Variants in PCDH17 observed in about 807,000 individuals in gnomAD.
PCDH17 encodes the protein protocadherin-17.
In PCDH17, 21 loss-of-function variants were observed where a neutral mutation model predicts 67.7. The ratio of observed to expected loss-of-function variants is 0.31; its 90% CI spans 0.22 to 0.45. PCDH17 has a LOEUF of 0.45. PCDH17 is among the 20% of genes least tolerant of loss of function. PCDH17 has a pLI of 1.00. For missense variants in PCDH17, 1,471 were observed against 1,564.8 expected, an observed-to-expected ratio of 0.94 and a Z score of 1.01; for synonymous variants, 701 against 656.7, an observed-to-expected ratio of 1.07 and a Z score of -1.03.
rs1390940729 is a variant in PCDH17, at chr13:57,728,654, G to A, written c.*3360G>A. Reference sequence around the variant, plus strand: ...ATGCAATTTCAAAGAATTCTTTCATGCTATTTCTTAACCTGACATTTCTAA... The same window carrying A: ...ATGCAATTTCAAAGAATTCTTTCATACTATTTCTTAACCTGACATTTCTAA... On this transcript the variant is annotated 3_prime_UTR_variant, in exon 4 of 4. Transcript: ENST00000377918. The A allele has an allele frequency of 6.6e-6, 1 of 151,628 alleles. No individual in the cohort carries two copies. Among genetic ancestry groups the A allele is most frequent in the African/African-American group, 2.4e-5 (1 of 41,290 alleles). The allele number at this position is 151,628 out of a possible 1,614,324, so 9.4% of individuals were successfully genotyped here.
rs1593891053 is a variant in PCDH17, at chr13:57,637,355, A to C, written c.2565+2244A>C. Among the ~76,000 whole-genome samples, 3 of 151,852 alleles carry C rather than the reference A, an allele frequency of 2.0e-5. No individual in the cohort carries two copies. In the East Asian group the frequency reaches 5.8e-4, roughly 29 times the overall value. On this transcript the variant is annotated intron_variant, in intron 1 of 3. Coordinates refer to ENST00000377918, the MANE Select transcript of PCDH17 (RefSeq NM_001040429.3). Reference sequence around the variant, plus strand: ...CTAAAGGATGCTTTGTAAGTTCTTAATATGTTAATTCTCTTTCAAATATAT... The same window carrying C: ...CTAAAGGATGCTTTGTAAGTTCTTACTATGTTAATTCTCTTTCAAATATAT...
intron 3 of PCDH17, among the ~76,000 whole-genome samples, chr13:57,668,982 C>A (rs1431158558): frequency 1.3e-5 from 2 of 152,096 alleles, no homozygotes; most frequent in African/African-American, 4.8e-5. Context: ...CTAATGCTAT[C>A]TCTCCCCGCT....
chr13:57,712,683 A>G (rs956265821), intron 3 of PCDH17, among the ~76,000 whole-genome samples: 1 of 151,596 alleles, frequency 6.6e-6, no homozygotes, highest in Non-Finnish European at 1.5e-5. Context: ...GATTGAATGA[A>G]AAGATTATTA....
rs71083326 is a variant in PCDH17, at chr13:57,709,110, A to AATAT, written c.2798-15491_2798-15488dup. On this transcript the variant is annotated intron_variant, in intron 3 of 3. Coordinates refer to ENST00000377918, the MANE Select transcript of PCDH17 (RefSeq NM_001040429.3). Reference sequence around the variant, plus strand: ...GTTACAGAAATATATATATGTATAAAATATATATATATATTTCTCATTGCT... The same window carrying AATAT: ...GTTACAGAAATATATATATGTATAAAATATATATATATATATATTTCTCATTGCT... Among the ~76,000 whole-genome samples the AATAT allele has an allele frequency of 8.0e-5, 12 of 149,168 alleles. No individual in the cohort carries two copies. In the East Asian group the frequency reaches 1.2e-3, roughly 15 times the overall value.
chr13:57,694,499 T>C (rs192204100), intron 3 of PCDH17, among the ~76,000 whole-genome samples: 5 of 151,228 alleles, frequency 3.3e-5, no homozygotes, highest in Admixed American at 2.6e-4. Context: ...GTCCAGAAAG[T>C]ATTAGGGAAC....
intron 1 of PCDH17, among the ~76,000 whole-genome samples, chr13:57,648,668 A>C (rs1309694131): frequency 6.6e-6 from 1 of 152,024 alleles, no homozygotes; most frequent in East Asian, 1.9e-4. Context: ...GGACTGCTCA[A>C]GCTTTTATTG....
At chr13:57,673,203 C>G (rs1368399649) in intron 3 of PCDH17, among the ~76,000 whole-genome samples, 1 of 152,014 alleles carries the variant, frequency 6.6e-6, no homozygotes, top group East Asian at 2.0e-4. Context: ...TCCTTTAGAT[C>G]CTCCAATAAA....
rs1955924227 is a variant in PCDH17 at position 57,727,531 on chromosome 13, A to T, written c.*2237A>T. ...ACTGCTTTGAGAGGGAAGAGTGGACAACTCCCATCAGCCTTATTCTCTTGA... is the reference window on the plus strand; with the variant it reads ...ACTGCTTTGAGAGGGAAGAGTGGACTACTCCCATCAGCCTTATTCTCTTGA... On this transcript the variant is annotated 3_prime_UTR_variant, in exon 4 of 4. Transcript: ENST00000377918. 6.6e-6 allele frequency: 1 copy of T among 152,162 alleles called. No individual in the cohort carries two copies. Among genetic ancestry groups the T allele is most frequent in the Non-Finnish European group, 1.5e-5 (1 of 68,002 alleles). The allele number at this position is 152,162 out of a possible 1,614,324, so 9.4% of individuals were successfully genotyped here. A position where few individuals can be genotyped will look rare whatever the true frequency, so the allele number is the denominator to read the frequency against.
Position 57,660,424 on chromosome 13 carries a change from G to T in PCDH17, c.2566-6044G>T, listed in dbSNP as rs563913207. Among the ~76,000 whole-genome samples, 56 of 152,200 alleles carry T rather than the reference G, an allele frequency of 3.7e-4. 1 individual carries two copies. The South Asian group carries it at 3.7e-3, about 10-fold the overall frequency. ...AAAGACAAGTTCAGAAACACTCTTT[G>T]TTGAGAATATTAAAAAAATAACTTT... On this transcript the variant is annotated intron_variant, in intron 1 of 3. Transcript: ENST00000377918.
At chr13:57,702,539 C>T (rs1483948267) in intron 3 of PCDH17, among the ~76,000 whole-genome samples, 11 of 152,136 alleles carry the variant, frequency 7.2e-5, no homozygotes, top group Admixed American at 7.2e-4. Context: ...CCAAATTCAA[C>T]CCCTTCCCTT....
intron 1 of PCDH17, among the ~76,000 whole-genome samples, chr13:57,663,199 A>G (rs1955205244): frequency 6.6e-6 from 1 of 152,128 alleles, no homozygotes; most frequent in Non-Finnish European, 1.5e-5. Flanking sequence ...TCATGTTTAT[A>G]TATTTATCAT....
intron 3 of PCDH17, among the ~76,000 whole-genome samples, chr13:57,680,811 A>G (rs1431216584): frequency 6.6e-6 from 1 of 151,718 alleles, no homozygotes; most frequent in East Asian, 1.9e-4. Context: ...ATATTGTGCA[A>G]TATCGATTTC....
rs1955048465 is a variant in PCDH17, at chr13:57,652,097, T to G, written c.2566-14371T>G. Among the ~76,000 whole-genome samples the G allele has an allele frequency of 2.0e-5, 3 of 151,294 alleles. No homozygotes were observed. The South Asian group carries it at 6.3e-4, about 32-fold the overall frequency. ...ATCGAGACCATCCTGGCTAACAAGG[T>G]GAAACCCCGTCTCTACTAAAAATAC... On this transcript the variant is annotated intron_variant, in intron 1 of 3. Coordinates refer to ENST00000377918, the MANE Select transcript of PCDH17 (RefSeq NM_001040429.3).
At chr13:57,648,080 G>A (rs536830914) in intron 1 of PCDH17, among the ~76,000 whole-genome samples, 1 of 151,940 alleles carries the variant, frequency 6.6e-6, no homozygotes, top group South Asian at 2.1e-4. Context: ...TTTAACTAGA[G>A]AAATCAAATC....
chr13:57,648,455 T>C (rs1035912281), intron 1 of PCDH17, among the ~76,000 whole-genome samples: 22 of 152,004 alleles, frequency 1.4e-4, no homozygotes, highest in African/African-American at 5.3e-4. Context: ...AAAGTCTGTA[T>C]TTTCAAGTTG....
At chr13:57,642,586 T>G (rs1954918896) in intron 1 of PCDH17, among the ~76,000 whole-genome samples, 1 of 151,614 alleles carries the variant, frequency 6.6e-6, no homozygotes, top group Non-Finnish European at 1.5e-5. Flanking sequence ...ACTTTAAAAA[T>G]ATAATTTAGG....
intron 3 of PCDH17, among the ~76,000 whole-genome samples, chr13:57,680,494 A>G (rs1335327316): frequency 2.6e-5 from 4 of 151,684 alleles, no homozygotes; most frequent in Non-Finnish European, 5.9e-5. Flanking sequence ...TGAATGCCAT[A>G]CTAACGAGTT....
Position 57,633,860 on chromosome 13 carries a change from C to A in PCDH17, c.1314C>A (p.Tyr438Ter), listed in dbSNP as rs755098484. 1 of 1,613,094 alleles carries A rather than the reference C, an allele frequency of 6.2e-7. No individual in the cohort carries two copies. The highest frequency in any genetic ancestry group is 8.5e-7 in the Non-Finnish European group (1 of 1,180,022). The change falls in exon 1 of 4, where the codon TAC becomes TAA. Residue 438 changes from tyrosine (Y) to a stop codon, truncating the protein, a stop_gained. Transcript: ENST00000377918. LOFTEE classifies it high-confidence loss of function. This position sits in a 1 kb window ranked among gnomAD's most constrained non-coding sequence, Gnocchi z 6.2. ...RPLDRETQDEYNVTIVARDGG... is the reference protein window; with the variant it reads ...RPLDRETQDE ...TGGACCGCGAGACACAAGACGAGTA[C>A]AACGTGACCATCGTGGCGCGGGACG...
At chr13:57,669,681 C>T (rs1215233962) in intron 3 of PCDH17, among the ~76,000 whole-genome samples, 1 of 152,014 alleles carries the variant, frequency 6.6e-6, no homozygotes, top group Non-Finnish European at 1.5e-5. Flanking sequence ...TTTTATCTTA[C>T]ATATAAAAAA....
Sources: gnomAD v4.1 joint callset for allele counts (sites outside exome capture counted in the v4.1 genomes callset) on GRCh38, gnomAD v4.1.1 for gene constraint, Gnocchi (gnomAD v3.1) non-coding constraint, MANE v1.5 for transcripts, NCBI Gene and HGNC (gene_info 2026-07-23, HGNC 2026-07-21) for gene names.